CCDC186: variants seen among roughly 807,000 people sequenced by gnomAD.
CCDC186 encodes coiled-coil domain containing 186, also known as coiled-coil domain-containing protein 186.
CCDC186 carries 49 observed loss-of-function variants against 113.7 expected under a neutral mutation model. That is an observed-to-expected ratio of 0.43 (90% CI 0.34 to 0.55). The LOEUF (loss-of-function observed/expected upper bound fraction) is 0.55, where lower values mean the gene tolerates loss of function less well. CCDC186 is among the 20% of genes least tolerant of loss of function. CCDC186 has a pLI of 0.02. For missense variants in CCDC186, 890 were observed against 1,011.1 expected, an observed-to-expected ratio of 0.88 and a Z score of 1.62; for synonymous variants, 355 against 345.8, an observed-to-expected ratio of 1.03 and a Z score of -0.30.
At position 114,125,924 on chromosome 10, in the gene CCDC186, C is replaced by A. The variant is rs2030884123; in HGVS notation, c.2575G>T (p.Val859Phe). 1 of 1,613,946 alleles carries A rather than the reference C, an allele frequency of 6.2e-7. No individual in the cohort carries two copies. The highest frequency in any genetic ancestry group is 1.1e-5 in the South Asian group (1 of 91,082). The change falls in exon 15 of 16, where the codon GTT becomes TTT. Residue 859 changes from valine to phenylalanine, a missense_variant. Val to Phe is a conservative substitution (Grantham distance 50). Coordinates refer to ENST00000369287, the MANE Select transcript of CCDC186 (RefSeq NM_018017.4). The part of the protein sequence containing the change: ...SLEINRKLQA[V>F]LEDTLLKNIT... ...TTTTTTAGTAACGTATCCTCCAAAA[C>A]AGCCTGTAATTTTCGGTTGATTTCC...
At position 114,123,086 on chromosome 10, in the gene CCDC186, A is replaced by C. The variant is rs755577361; in HGVS notation, c.*2057T>G. ...GAAAAAAATCCAAATATTGTAGTTT[A>C]TGAACCTGTATCATAAGAAACTAGA... On this transcript the variant is annotated 3_prime_UTR_variant, in exon 16 of 16. Transcript: ENST00000369287. The C allele has an allele frequency of 6.6e-6, 1 of 152,636 alleles. No individual in the cohort carries two copies. The highest frequency in any genetic ancestry group is 1.5e-5 in the Non-Finnish European group (1 of 68,034). 9.5% of individuals were successfully genotyped at this position (152,636 alleles called of 1,614,324 possible).
In CCDC186 at chr10:114,122,401, TA is replaced by T. The variant is rs1181281344; in HGVS notation, c.*2741del. ...TTTCAGTCCTTAAAACTAAACAGGCTAAAGTCTGAAGTGGTATGGGGAAAAT... is the reference window on the plus strand; with the variant it reads ...TTTCAGTCCTTAAAACTAAACAGGCTAAGTCTGAAGTGGTATGGGGAAAAT... On this transcript the variant is annotated 3_prime_UTR_variant, in exon 16 of 16. Coordinates refer to ENST00000369287, the MANE Select transcript of CCDC186 (RefSeq NM_018017.4). 2 of 152,166 alleles carry T rather than the reference TA, an allele frequency of 1.3e-5. No homozygotes were observed. The highest frequency in any genetic ancestry group is 2.9e-5 in the Non-Finnish European group (2 of 68,020). 9.4% of individuals were successfully genotyped at this position (152,166 alleles called of 1,614,324 possible).
chr10:114,144,499 T>G lies in CCDC186; in HGVS notation c.1219A>C (p.Lys407Gln), dbSNP rs1387667001. Residue 407 changes from lysine to glutamine, a missense_variant and splice_region_variant, in exon 6 of 16, where the codon AAG (lysine) becomes CAG (glutamine). Coordinates refer to ENST00000369287, the MANE Select transcript of CCDC186 (RefSeq NM_018017.4). ...TTCCATTGTATTACAGTACGTACCT[T>G]GTGTGAATCCATTTCAGCTTTTAAT... is the stretch of plus-strand genomic sequence containing the variant. ...NKLKAEMDSH[K>Q]ETKDKLKETT... 2 of 1,613,066 alleles carry G rather than the reference T, an allele frequency of 1.2e-6. No homozygotes were observed. Among genetic ancestry groups the G allele is most frequent in the Non-Finnish European group, 1.7e-6 (2 of 1,179,380 alleles).
Position 114,153,910 on chromosome 10 carries a change from A to G in CCDC186, c.760-2690T>C, listed in dbSNP as rs2031929056. On this transcript the variant is annotated intron_variant, in intron 3 of 15. Transcript: ENST00000369287. ...GAGGAAGAAAAAAATAAAAACTAGA[A>G]TGGAAAAACAGAGACAAGGCCAGGT... Among the ~76,000 whole-genome samples, 4 of 151,186 alleles carry G rather than the reference A, an allele frequency of 2.6e-5. No homozygotes were observed. The South Asian group carries it at 8.4e-4, about 32-fold the overall frequency.
At chr10:114,159,965 AAAAAT>A (rs1384906519) in intron 2 of CCDC186, among the ~76,000 whole-genome samples, 2 of 152,036 alleles carry the variant, frequency 1.3e-5, no homozygotes, top group South Asian at 2.1e-4. Flanking sequence ...CCTATCTCAA[AAAAAT>A]AAAATAAAGA....
chr10:114,147,389 A>C (rs1255351998), intron 4 of CCDC186, among the ~76,000 whole-genome samples: 2 of 152,196 alleles, frequency 1.3e-5, no homozygotes, highest in Non-Finnish European at 2.9e-5. Context: ...AGGGTAAAAG[A>C]TGCTATACTT....
intron 15 of CCDC186, 133 bp from the exon 16 acceptor site, chr10:114,125,359 A>T (rs2030862893): frequency 1.7e-6 from 1 of 596,108 alleles, no homozygotes; most frequent in African/African-American, 1.9e-5. Flanking sequence ...TATGTCAGAT[A>T]AACTAGTGAC....
Position 114,125,958 on chromosome 10 carries a change from C to T in CCDC186, c.2541G>A (p.Glu847=), listed in dbSNP as rs1219731772. The T allele has an allele frequency of 1.5e-5, 24 of 1,614,020 alleles. No homozygotes were observed. The highest frequency in any genetic ancestry group is 2.0e-5 in the Non-Finnish European group (24 of 1,179,956). The change falls in exon 15 of 16, where the codon GAG becomes GAA. Residue 847 remains glutamate, a synonymous_variant. Coordinates refer to ENST00000369287, the MANE Select transcript of CCDC186 (RefSeq NM_018017.4). ...ATTTTCGGTTGATTTCCAAAGAGAG[C>T]TCCAATGTTAATCCATTGTCAGCTG... ...SHPADNGLTL[E]LSLEINRKLQ...
At chr10:114,160,542 AC>A (rs1318453704) in intron 2 of CCDC186, among the ~76,000 whole-genome samples, 1 of 152,172 alleles carries the variant, frequency 6.6e-6, no homozygotes, top group African/African-American at 2.4e-5. Flanking sequence ...CACCACACAC[AC>A]ACAAAGGTAA....
At chr10:114,135,543 T>A (rs1308677314) in intron 9 of CCDC186, among the ~76,000 whole-genome samples, 1 of 152,088 alleles carries the variant, frequency 6.6e-6, no homozygotes, top group African/African-American at 2.4e-5. Flanking sequence ...CCAGGAAAAA[T>A]ATAGCCTTCC....
intron 11 of CCDC186, among the ~76,000 whole-genome samples, chr10:114,131,698 C>T (rs2031093131): frequency 6.6e-6 from 1 of 151,914 alleles, no homozygotes; most frequent in East Asian, 1.9e-4. Flanking sequence ...GGACACAAAC[C>T]AGTTTTCTCA....
rs1270667456 is a variant in CCDC186 at position 114,174,179 on chromosome 10, G to A, written c.-226C>T. On this transcript the variant is annotated 5_prime_UTR_variant, in exon 1 of 16. Coordinates refer to ENST00000369287, the MANE Select transcript of CCDC186 (RefSeq NM_018017.4). ...TCAGCGGCCGTTTCCCCAAACCCCTGCGGAGCTGACACATCAACAAAGATG... is the reference window on the plus strand; with the variant it reads ...TCAGCGGCCGTTTCCCCAAACCCCTACGGAGCTGACACATCAACAAAGATG... 2.2e-6 allele frequency: 1 copy of A among 457,638 alleles called. No individual in the cohort carries two copies. Among genetic ancestry groups the A allele is most frequent in the Non-Finnish European group, 4.6e-6 (1 of 219,462 alleles). The allele number at this position is 457,638 out of a possible 1,614,324, so 28.3% of individuals were successfully genotyped here. A position where few individuals can be genotyped will look rare whatever the true frequency, so the allele number is the denominator to read the frequency against.
Position 114,151,133 on chromosome 10 carries a change from C to T in CCDC186, c.847G>A (p.Val283Ile), listed in dbSNP as rs2119807121. The T allele has an allele frequency of 2.5e-6, 4 of 1,613,906 alleles. No individual in the cohort carries two copies. Among genetic ancestry groups the T allele is most frequent in the Non-Finnish European group, 3.4e-6 (4 of 1,179,904 alleles). ...IAQDVTAKNA[V>I]QQLHKEMAQR... ...GCCATCTCTTTGTGTAACTGCTGAA[C>T]TGCATTTTTAGCTGTAACGTCTTGA... The change falls in exon 4 of 16, where the codon GTT becomes ATT. Residue 283 changes from valine to isoleucine, a missense_variant. Physicochemically the swap from Val to Ile is conservative, Grantham distance 29. Transcript: ENST00000369287.
chr10:114,144,175 A>C (rs1019521662), intron 6 of CCDC186, among the ~76,000 whole-genome samples: 4 of 152,098 alleles, frequency 2.6e-5, no homozygotes, highest in Non-Finnish European at 4.4e-5. Context: ...GTGTTATTTA[A>C]ATTTTGCATA....
At chr10:114,136,516 T>C (rs1192473562) in intron 7 of CCDC186, among the ~76,000 whole-genome samples, 1 of 152,166 alleles carries the variant, frequency 6.6e-6, no homozygotes, top group Non-Finnish European at 1.5e-5. Context: ...AAATAGGAAA[T>C]GGGTTAAAGT....
chr10:114,147,560 G>C (rs1042172419), intron 4 of CCDC186, among the ~76,000 whole-genome samples: 4 of 152,158 alleles, frequency 2.6e-5, no homozygotes, highest in Admixed American at 6.6e-5. Context: ...CTTAAATTTG[G>C]TGTGTTGGCT....
Position 114,163,072 on chromosome 10 carries a change from T to A in CCDC186, c.197A>T (p.Gln66Leu). 6.2e-7 allele frequency: 1 copy of A among 1,614,160 alleles called. No homozygotes were observed. The highest frequency in any genetic ancestry group is 1.1e-5 in the South Asian group (1 of 91,074). Reference protein sequence around the residue: ...PNEHNNRIEAQENYIPDHGGG... With the variant: ...PNEHNNRIEALENYIPDHGGG... ...ACCATGATCTGGAATATAATTTTCC[T>A]GGGCTTCAATTCGATTATTATGCTC... Residue 66 changes from glutamine to leucine, a missense_variant, in exon 2 of 16, where the codon CAG (glutamine) becomes CTG (leucine). Transcript: ENST00000369287.
chr10:114,160,814 G>T (rs991865510), intron 2 of CCDC186, among the ~76,000 whole-genome samples: 2 of 152,174 alleles, frequency 1.3e-5, no homozygotes, highest in Non-Finnish European at 2.9e-5. Flanking sequence ...AGTTGTTTTA[G>T]AGTTAACCTG....
chr10:114,139,936 TTAAA>T (rs1369863308), intron 6 of CCDC186, among the ~76,000 whole-genome samples: 1 of 152,204 alleles, frequency 6.6e-6, no homozygotes, highest in Non-Finnish European at 1.5e-5. Flanking sequence ...TAAATATTTA[TTAAA>T]TAAATGAGTA....
Sources: allele counts gnomAD v4.1 joint callset (sites outside exome capture counted in the v4.1 genomes callset), GRCh38; gene constraint gnomAD v4.1.1; transcripts MANE v1.5; gene names NCBI Gene and HGNC (gene_info 2026-07-23, HGNC 2026-07-21).